The following HNRNPUL1 variants were observed in gnomAD, a reference collection of about 807,000 sequenced individuals.
The protein encoded by HNRNPUL1 is heterogeneous nuclear ribonucleoprotein U-like protein 1.
In HNRNPUL1, 14 loss-of-function variants were observed where a neutral mutation model predicts 108.5. The observed-to-expected ratio is 0.13, with a 90% CI of 0.09 to 0.20. HNRNPUL1 has a LOEUF of 0.20. HNRNPUL1 is among the 10% of genes least tolerant of loss of function. The pLI, the probability that HNRNPUL1 is intolerant of heterozygous loss-of-function variation, is 1.00. For synonymous variants in HNRNPUL1, 422 were observed against 445.2 expected (o/e 0.95, Z 0.66); for missense variants, 804 against 1,168.3 (o/e 0.69, Z 4.55).
rs2037303188 is a variant in HNRNPUL1 at position 41,302,739 on chromosome 19, G to A, written c.1762G>A (p.Asp588Asn). The A allele has an allele frequency of 6.2e-7, 1 of 1,614,062 alleles. No individual in the cohort carries two copies. Among genetic ancestry groups the A allele is most frequent in the African/African-American group, 1.3e-5 (1 of 74,916 alleles). The change falls in exon 12 of 15, where the codon GAC becomes AAC. Residue 588 changes from aspartate to asparagine, a missense_variant. By Grantham distance (23) the Asp-to-Asn change is conservative (BLOSUM62 1). Around this residue, in one of 4 missense-constraint regions of HNRNPUL1, gnomAD observed 294 missense variants for 388.3 expected, o/e 0.76. Transcript: ENST00000392006. ...LFIELQREEA[D>N]KLVRQYNEEG... ...CATTGAGCTGCAGCGGGAGGAAGCG[G>A]ACAAGCTAGTGAGGCAGTACAACGA...
chr19:41,306,568 A>G lies in HNRNPUL1; in HGVS notation c.*3A>G. 6.6e-7 allele frequency: 1 copy of G among 1,519,274 alleles called. No individual in the cohort carries two copies. The highest frequency in any genetic ancestry group is 8.8e-7 in the Non-Finnish European group (1 of 1,132,148). The allele number at this position is 1,519,274 out of a possible 1,614,324, so 94.1% of individuals were successfully genotyped here. A position where few individuals can be genotyped will look rare whatever the true frequency, so the allele number is the denominator to read the frequency against. On this transcript the variant is annotated 3_prime_UTR_variant, in exon 15 of 15. Coordinates refer to ENST00000392006, the MANE Select transcript of HNRNPUL1 (RefSeq NM_007040.6). ...AGGGTGGCACAAGTACACAGTAGCCAGTGTGACCCAGAGGCTCCCGGAGGC... is the reference window on the plus strand; with the variant it reads ...AGGGTGGCACAAGTACACAGTAGCCGGTGTGACCCAGAGGCTCCCGGAGGC...
At chr19:41,283,265 T>G (rs1309052833) in intron 7 of HNRNPUL1, among the ~76,000 whole-genome samples, 1 of 152,186 alleles carries the variant, frequency 6.6e-6, no homozygotes, top group Non-Finnish European at 1.5e-5. Flanking sequence ...CAGTACAGTA[T>G]TAAATCATAA....
chr19:41,281,018 C>T (rs2035868889), intron 6 of HNRNPUL1, 145 bp from the exon 7 acceptor site: 1 of 601,958 alleles, frequency 1.7e-6, no homozygotes, highest in Admixed American at 2.7e-5. Flanking sequence ...TTCACCCTTC[C>T]CCACCCCTAT....
chr19:41,294,757 T>C lies in HNRNPUL1; in HGVS notation c.1518+71T>C, dbSNP rs996099148. 1.3e-6 allele frequency: 2 copies of C among 1,575,996 alleles called. No homozygotes were observed. Among genetic ancestry groups the C allele is most frequent in the African/African-American group, 2.7e-5 (2 of 74,178 alleles). The stretch of plus-strand genomic sequence containing the variant: ...CCTTGCATGCCTGAGAATCTCCCTC[T>C]GGTCCCTTTCTTTTTTCCCCCGTAA... On this transcript the variant is annotated intron_variant, in intron 10 of 14. Coordinates refer to ENST00000392006, the MANE Select transcript of HNRNPUL1 (RefSeq NM_007040.6). This position sits in a 1 kb window ranked among gnomAD's most constrained non-coding sequence, Gnocchi z 4.3.
At position 41,294,263 on chromosome 19, in the gene HNRNPUL1, ACACT is replaced by A. The variant is rs1443521426; in HGVS notation, c.1267-71_1267-68del. 34 of 1,559,160 alleles carry A rather than the reference ACACT, an allele frequency of 2.2e-5. No individual in the cohort carries two copies. The South Asian group carries it at 2.9e-4, about 13-fold the overall frequency. ...AGCCACAGCTCAGAGGTCCAGAGTC[ACACT>A]CACAGTCACCACCGAGCCAAGTGGT... is the stretch of plus-strand genomic sequence containing the variant. On this transcript the variant is annotated intron_variant, in intron 8 of 14. Coordinates refer to ENST00000392006, the MANE Select transcript of HNRNPUL1 (RefSeq NM_007040.6). The surrounding 1 kb of genome is among the most constrained non-coding windows in gnomAD (Gnocchi z 4.3).
At chr19:41,271,345 C>T (rs1232614128) in intron 2 of HNRNPUL1, among the ~76,000 whole-genome samples, 1 of 152,184 alleles carries the variant, frequency 6.6e-6, no homozygotes, top group African/African-American at 2.4e-5. Context: ...TGAGCCCAAC[C>T]TATTGCTGGG....
intron 7 of HNRNPUL1, among the ~76,000 whole-genome samples, chr19:41,284,876 G>T (rs1030543089): frequency 2.0e-5 from 3 of 151,816 alleles, no homozygotes; most frequent in African/African-American, 7.3e-5. Flanking sequence ...AGCGCCTGTA[G>T]TCCCAGCTAC....
At chr19:41,265,285 G>C in intron 1 of HNRNPUL1, 1 of 1,524,104 alleles carries the variant, frequency 6.6e-7, no homozygotes, top group Non-Finnish European at 8.8e-7. Context: ...CGAGAGTTCT[G>C]AGGAAGGAGG....
In HNRNPUL1 at chr19:41,305,709, G is replaced by C; in HGVS notation, c.2296G>C (p.Gly766Arg). The C allele has an allele frequency of 6.2e-7, 1 of 1,614,164 alleles. No individual in the cohort carries two copies. The change falls in exon 14 of 15, where the codon GGT becomes CGT. Residue 766 changes from glycine to arginine, a missense_variant. Gly to Arg is a moderately radical substitution (Grantham distance 125, BLOSUM62 -2). Transcript: ENST00000392006. ...SYSQPPYNQG[G>R]YSQGYTAPPP... ...CAGCCAGCCACCCTACAACCAGGGA[G>C]GTTACAGCCAGGGCTACACAGCCCC... is the stretch of plus-strand genomic sequence containing the variant.
At chr19:41,284,724 A>G (rs2036107885) in intron 7 of HNRNPUL1, among the ~76,000 whole-genome samples, 2 of 151,958 alleles carry the variant, frequency 1.3e-5, no homozygotes, top group Non-Finnish European at 1.5e-5. Context: ...CCTGCCGGGC[A>G]CGGTGGCTCA....
chr19:41,271,502 A>G (rs1360122772), intron 2 of HNRNPUL1, among the ~76,000 whole-genome samples: 3 of 152,170 alleles, frequency 2.0e-5, no homozygotes, highest in East Asian at 3.9e-4. Context: ...GTAGATGTGA[A>G]TGAGCTTCAG....
chr19:41,273,854 C>T (rs1044453573), intron 3 of HNRNPUL1, 128 bp from the exon 4 acceptor site: 2 of 711,908 alleles, frequency 2.8e-6, no homozygotes. Context: ...TTGCCCACCT[C>T]TGTGGAAGGA....
chr19:41,293,450 C>T (rs1257106062), intron 8 of HNRNPUL1, among the ~76,000 whole-genome samples: 1 of 152,164 alleles, frequency 6.6e-6, no homozygotes, highest in African/African-American at 2.4e-5. Context: ...TTTTAAAAAT[C>T]CTTCAAGGGA....
intron 3 of HNRNPUL1, 52 bp from the exon 4 acceptor site, chr19:41,273,930 C>T (rs892061779): frequency 4.7e-5 from 66 of 1,402,028 alleles, no homozygotes; most frequent in South Asian, 3.5e-5. Flanking sequence ...ATTTTCTTTC[C>T]TTTGTGCTCA....
rs900526650 is a variant in HNRNPUL1 at position 41,292,578 on chromosome 19, A to G, written c.1266+67A>G. On this transcript the variant is annotated intron_variant, in intron 8 of 14. Coordinates refer to ENST00000392006, the MANE Select transcript of HNRNPUL1 (RefSeq NM_007040.6). This position sits in a 1 kb window ranked among gnomAD's most constrained non-coding sequence, Gnocchi z 4.1. ...AGACAGAGGAGACACACACACACAC[A>G]CACACACAGACTTGCTGCGAGAGTA... 8.4e-6 allele frequency: 13 copies of G among 1,554,392 alleles called. No homozygotes were observed. The highest frequency in any genetic ancestry group is 1.1e-5 in the Non-Finnish European group (12 of 1,131,694).
chr19:41,307,527 A>G lies in HNRNPUL1; in HGVS notation c.*962A>G, dbSNP rs1233112575. On this transcript the variant is annotated 3_prime_UTR_variant, in exon 15 of 15. Transcript: ENST00000392006. ...GGTGCCAGACCCAAAAGCTTTTCCT[A>G]CAGTGATACCCTTTATTTTTACTTC... 6.5e-6 allele frequency: 1 copy of G among 152,690 alleles called. No individual in the cohort carries two copies. The highest frequency in any genetic ancestry group is 2.1e-4 in the South Asian group (1 of 4,818). The allele number at this position is 152,690 out of a possible 1,614,324, so 9.5% of individuals were successfully genotyped here.
chr19:41,302,031 T>C (rs1343475195), intron 11 of HNRNPUL1, among the ~76,000 whole-genome samples: 1 of 152,022 alleles, frequency 6.6e-6, no homozygotes, highest in Admixed American at 6.5e-5. Context: ...TGTTTCTCTG[T>C]AAATATAGGG....
chr19:41,306,413 G>T (rs1244117430), intron 14 of HNRNPUL1, 36 bp from the exon 15 acceptor site: 3 of 1,460,868 alleles, frequency 2.1e-6, no homozygotes, highest in Non-Finnish European at 2.8e-6. Flanking sequence ...TGTGGTGGAT[G>T]CAGGACAACT....
chr19:41,306,323 T>C, intron 14 of HNRNPUL1, 126 bp from the exon 15 acceptor site: 1 of 629,116 alleles, frequency 1.6e-6, no homozygotes, highest in Non-Finnish European at 2.8e-6. Context: ...GATTTCTCTG[T>C]CAGGGGACCT....
Sources: gnomAD v4.1 joint callset for allele counts (sites outside exome capture counted in the v4.1 genomes callset) on GRCh38, gnomAD v4.1.1 for gene constraint, gnomAD v4.1.1 regional missense constraint, Gnocchi (gnomAD v3.1) non-coding constraint, MANE v1.5 for transcripts, NCBI Gene and HGNC (gene_info 2026-07-23, HGNC 2026-07-21) for gene names.